FKBP1B: variants seen among roughly 807,000 people sequenced by gnomAD.
FKBP1B encodes the protein peptidyl-prolyl cis-trans isomerase FKBP1B.
Under a neutral mutation model 13.5 loss-of-function variants are expected in FKBP1B, and 4 were observed. The ratio of observed to expected loss-of-function variants is 0.30; its 90% CI spans 0.15 to 0.68. The LOEUF (loss-of-function observed/expected upper bound fraction) is 0.68. Among genes scored for constraint, FKBP1B ranks in the 30% least tolerant of loss-of-function variants. FKBP1B has a pLI of 0.76. For synonymous variants in FKBP1B, 54 were observed against 53.6 expected, an observed-to-expected ratio of 1.01 and a Z score of -0.03; for missense variants, 93 against 136.2, an observed-to-expected ratio of 0.68 and a Z score of 1.58.
At chr2:24,060,961 G>A in intron 3 of FKBP1B, 35 bp downstream of exon 3, 1 of 1,521,134 alleles carries the variant, frequency 6.6e-7, no homozygotes, top group East Asian at 2.3e-5. Context: ...GGGATCTGGG[G>A]AGTTGGGGAT....
intron 2 of FKBP1B, among the ~76,000 whole-genome samples, chr2:24,056,325 G>T (rs565940842): frequency 6.6e-6 from 1 of 151,378 alleles, no homozygotes; most frequent in East Asian, 1.9e-4. Context: ...TGAGCGTTCA[G>T]TACCATTTCA....
chr2:24,049,700 C>A, upstream of FKBP1B: 1 of 531,002 alleles, frequency 1.9e-6, no homozygotes, highest in Non-Finnish European at 2.9e-6. Flanking sequence ...GTGGCCCCTC[C>A]CCGCGCAGGT....
the FKBP1B span, chr2:24,038,300 A>G: frequency 6.2e-7 from 1 of 1,614,210 alleles, no homozygotes; most frequent in Non-Finnish European, 8.5e-7. Flanking sequence ...AAAATTAGTA[A>G]TAGTTGGTCT....
At chr2:24,049,435 C>T (rs1374420924), upstream of FKBP1B, 1 of 179,430 alleles carries the variant, frequency 5.6e-6, no homozygotes, top group South Asian at 2.0e-4. Context: ...CCCCCACCCC[C>T]CACAAGTCTG....
rs1422136568 is a variant in FKBP1B at position 24,050,573 on chromosome 2, A to C, written c.37+687A>C. ...GGTGCTCCCTGGTCAGCAAGTCCAA[A>C]ACAGAACTCTCGCTTCCCACCTTCT... On this transcript the variant is annotated intron_variant, in intron 1 of 3. Coordinates refer to ENST00000380986, the MANE Select transcript of FKBP1B (RefSeq NM_004116.5). This position sits in a 1 kb window ranked among gnomAD's most constrained non-coding sequence, Gnocchi z 5.8. 6.6e-6 allele frequency among the ~76,000 whole-genome samples: 1 copy of C among 152,046 alleles called. No individual in the cohort carries two copies. The highest frequency in any genetic ancestry group is 1.5e-5 in the Non-Finnish European group (1 of 67,980).
chr2:24,034,062 T>C, the FKBP1B span, among the ~76,000 whole-genome samples: 1 of 152,258 alleles, frequency 6.6e-6, no homozygotes, highest in South Asian at 2.1e-4. Flanking sequence ...AACTATTTCT[T>C]GCTTTTGATT....
intron 2 of FKBP1B, among the ~76,000 whole-genome samples, chr2:24,059,414 T>C (rs181170052): frequency 6.6e-6 from 1 of 150,572 alleles, no homozygotes; most frequent in African/African-American, 2.5e-5. Context: ...TAGTACAGAG[T>C]CTGGAGGCCA....
chr2:24,041,092 A>T, the FKBP1B span, among the ~76,000 whole-genome samples: 2 of 152,062 alleles, frequency 1.3e-5, no homozygotes, highest in African/African-American at 4.8e-5. Context: ...TAATCCCAGC[A>T]CTTTGGGAGG....
At chr2:24,047,866 C>G (rs937357117), upstream of FKBP1B, among the ~76,000 whole-genome samples, 12 of 152,244 alleles carry the variant, frequency 7.9e-5, no homozygotes, top group African/African-American at 2.9e-4. Context: ...CGTGCCTGCT[C>G]TGGCCGCAGC....
intron 2 of FKBP1B, among the ~76,000 whole-genome samples, chr2:24,058,121 A>G (rs1028157530): frequency 2.0e-5 from 3 of 151,628 alleles, no homozygotes; most frequent in African/African-American, 7.3e-5. Context: ...TACTTGAACA[A>G]CCCAGGAGGC....
chr2:24,063,557 G>A lies in FKBP1B; in HGVS notation c.*365G>A, dbSNP rs112080930. 6.4e-5 allele frequency: 16 copies of A among 249,120 alleles called. No homozygotes were observed. Among genetic ancestry groups the A allele is most frequent in the Admixed American group, 1.6e-4 (3 of 18,404 alleles). The allele number at this position is 249,120 out of a possible 1,614,324, so 15.4% of individuals were successfully genotyped here. A position where few individuals can be genotyped will look rare whatever the true frequency, so the allele number is the denominator to read the frequency against. The stretch of plus-strand genomic sequence containing the variant: ...AGACATGAAATGTACATGGCGTACC[G>A]TACACAGAGGGACTTGAGCCAGTTA... On this transcript the variant is annotated 3_prime_UTR_variant, in exon 4 of 4. Coordinates refer to ENST00000380986, the MANE Select transcript of FKBP1B (RefSeq NM_004116.5).
rs1664356855 is a variant in FKBP1B at position 24,060,835 on chromosome 2, A to C, written c.107A>C (p.Lys36Thr). 2 of 1,614,048 alleles carry C rather than the reference A, an allele frequency of 1.2e-6. No individual in the cohort carries two copies. The highest frequency in any genetic ancestry group is 4.5e-5 in the East Asian group (2 of 44,896). Reference sequence around the variant, plus strand: ...ACAGGAATGCTCCAAAATGGGAAGAAGTTTGATTCATCCAGAGACAGAAAC... The same window carrying C: ...ACAGGAATGCTCCAAAATGGGAAGACGTTTGATTCATCCAGAGACAGAAAC... Reference protein sequence around the residue: ...HYTGMLQNGKKFDSSRDRNKP... With the variant: ...HYTGMLQNGKTFDSSRDRNKP... Residue 36 changes from lysine (K) to threonine (T), a missense_variant, in exon 3 of 4, where the codon AAG (lysine) becomes ACG (threonine). Lys to Thr is a moderately conservative substitution (Grantham distance 78). Coordinates refer to ENST00000380986, the MANE Select transcript of FKBP1B (RefSeq NM_004116.5).
chr2:24,043,902 G>T, the FKBP1B span, among the ~76,000 whole-genome samples: 1 of 151,904 alleles, frequency 6.6e-6, no homozygotes, highest in Non-Finnish European at 1.5e-5. Context: ...AAAAAAAAGG[G>T]TCTATTATGC....
upstream of FKBP1B, chr2:24,049,570 T>G: frequency 3.0e-6 from 1 of 335,718 alleles, no homozygotes. Context: ...CCCTGGTCAG[T>G]GGGTTAATGT....
At chr2:24,047,614 A>C (rs550991945), upstream of FKBP1B, among the ~76,000 whole-genome samples, 3 of 151,938 alleles carry the variant, frequency 2.0e-5, no homozygotes, top group Non-Finnish European at 4.4e-5. Flanking sequence ...AAAACCACCG[A>C]CCGCAAGCCC....
At chr2:24,034,975 C>A in the FKBP1B span, among the ~76,000 whole-genome samples, 4 of 150,930 alleles carry the variant, frequency 2.7e-5, no homozygotes, top group African/African-American at 9.7e-5. Flanking sequence ...AGTAAAATAG[C>A]CTATTTAAAG....
intron 2 of FKBP1B, among the ~76,000 whole-genome samples, chr2:24,056,092 C>T (rs1435425547): frequency 1.3e-5 from 2 of 151,874 alleles, no homozygotes; most frequent in South Asian, 2.1e-4. Flanking sequence ...TGGGTTCAAG[C>T]GATTCTCCTG....
At chr2:24,049,208 A>C (rs1264287043), upstream of FKBP1B, among the ~76,000 whole-genome samples, 2 of 152,050 alleles carry the variant, frequency 1.3e-5, no homozygotes. Context: ...AAAAATAAAA[A>C]ATAAAAGATT....
chr2:24,039,825 C>A, the FKBP1B span, among the ~76,000 whole-genome samples: 1 of 151,410 alleles, frequency 6.6e-6, no homozygotes, highest in Non-Finnish European at 1.5e-5. Context: ...GAGACGGAGT[C>A]TCACTCTTGT....
Sources: gnomAD v4.1 joint callset for allele counts (sites outside exome capture counted in the v4.1 genomes callset) on GRCh38, gnomAD v4.1.1 for gene constraint, Gnocchi (gnomAD v3.1) non-coding constraint, MANE v1.5 for transcripts, NCBI Gene and HGNC (gene_info 2026-07-23, HGNC 2026-07-21) for gene names.